STX18: variants seen among roughly 807,000 people sequenced by gnomAD.
STX18 encodes syntaxin-18.
Under a neutral mutation model 50.1 loss-of-function variants are expected in STX18, and 40 were observed. The ratio of observed to expected loss-of-function variants is 0.80; its 90% CI spans 0.62 to 1.04. The LOEUF is 1.04. Among genes scored for constraint, STX18 ranks in the 50% least tolerant of loss-of-function variants. STX18 has a pLI of 0.00. For missense variants in STX18, 410 were observed against 415.8 expected, an observed-to-expected ratio of 0.99 and a Z score of 0.12; for synonymous variants, 158 against 151.8, an observed-to-expected ratio of 1.04 and a Z score of -0.30.
intron 7 of STX18, among the ~76,000 whole-genome samples, chr4:4,431,323 G>A (rs912378191): frequency 3.9e-5 from 6 of 152,166 alleles, no homozygotes; most frequent in Non-Finnish European, 5.9e-5. Flanking sequence ...TTGGGGAAAC[G>A]ACTCATTTCC....
chr4:4,433,155 T>G (rs905887399), intron 7 of STX18, among the ~76,000 whole-genome samples: 3 of 152,228 alleles, frequency 2.0e-5, no homozygotes, highest in Admixed American at 1.3e-4. Context: ...AACTGTGTAA[T>G]AGTGATAATT....
Position 4,420,689 on chromosome 4 carries a change from C to T in STX18, c.912+175G>A, listed in dbSNP as rs1005208995. On this transcript the variant is annotated intron_variant, in intron 10 of 10. Coordinates refer to ENST00000306200, the MANE Select transcript of STX18 (RefSeq NM_016930.4). This position sits in a 1 kb window ranked among gnomAD's most constrained non-coding sequence, Gnocchi z 4.3. ...CCTCTCGAAAGCAGCTGGAGGTGGG[C>T]GACAGGTGGTGGGTCTCATGAACAC... 2.6e-5 allele frequency: 16 copies of T among 604,014 alleles called. No homozygotes were observed. Among genetic ancestry groups the T allele is most frequent in the Middle Eastern group, 4.1e-4 (1 of 2,448 alleles). 37.4% of individuals were successfully genotyped at this position (604,014 alleles called of 1,614,324 possible).
At chr4:4,436,605 T>C (rs1210584960) in intron 6 of STX18, among the ~76,000 whole-genome samples, 4 of 152,218 alleles carry the variant, frequency 2.6e-5, no homozygotes, top group Admixed American at 6.5e-5. Context: ...CTCTACAACA[T>C]GCTCATTTGT....
intron 1 of STX18, among the ~76,000 whole-genome samples, chr4:4,538,102 G>GAAAA (rs201329108): frequency 7.2e-6 from 1 of 138,306 alleles, no homozygotes; most frequent in African/African-American, 2.6e-5. Context: ...CCTTTTGAGT[G>GAAAA]AAAAAAAAAA....
chr4:4,476,712 C>T (rs1728191781), intron 1 of STX18, among the ~76,000 whole-genome samples: 1 of 152,012 alleles, frequency 6.6e-6, no homozygotes, highest in African/African-American at 2.4e-5. Context: ...ATATTTTATA[C>T]ACGGAACAAC....
chr4:4,490,081 G>A lies in STX18; in HGVS notation c.169-18375C>T, dbSNP rs552095918. Among the ~76,000 whole-genome samples the A allele has an allele frequency of 1.0e-3, 154 of 151,952 alleles. No individual in the cohort carries two copies. The Middle Eastern group carries it at 0.014, about 13-fold the overall frequency. On this transcript the variant is annotated intron_variant, in intron 1 of 10. Coordinates refer to ENST00000306200, the MANE Select transcript of STX18 (RefSeq NM_016930.4). The stretch of plus-strand genomic sequence containing the variant: ...TGAATTTCACTCAAAATCACATATC[G>A]AACTGTAATAAATTTACAATAAAAA...
At chr4:4,535,885 T>C (rs1376355701) in intron 1 of STX18, among the ~76,000 whole-genome samples, 1 of 152,170 alleles carries the variant, frequency 6.6e-6, no homozygotes, top group Non-Finnish European at 1.5e-5. Flanking sequence ...TACTCAACCC[T>C]TAGGTAAAAT....
chr4:4,422,062 A>G (rs1452991852), intron 9 of STX18, among the ~76,000 whole-genome samples: 2 of 152,074 alleles, frequency 1.3e-5, no homozygotes, highest in Non-Finnish European at 2.9e-5. Flanking sequence ...AACCTGACTG[A>G]CACATTGTAG....
chr4:4,532,434 G>A (rs746763962), intron 1 of STX18, among the ~76,000 whole-genome samples: 1 of 151,116 alleles, frequency 6.6e-6, no homozygotes, highest in Non-Finnish European at 1.5e-5. Context: ...CACCAAAAAT[G>A]CTAACTTTGA....
chr4:4,451,041 G>A (rs1726716740), intron 5 of STX18, among the ~76,000 whole-genome samples: 1 of 152,188 alleles, frequency 6.6e-6, no homozygotes, highest in Non-Finnish European at 1.5e-5. Flanking sequence ...AAAGTCCCCA[G>A]GGAAATTACA....
chr4:4,475,134 G>A (rs1183278085), intron 1 of STX18, among the ~76,000 whole-genome samples: 3 of 152,220 alleles, frequency 2.0e-5, no homozygotes, highest in Admixed American at 2.0e-4. Context: ...CCAGGAGCAA[G>A]CAAGCTCCAC....
chr4:4,472,424 T>C (rs568177431), intron 1 of STX18, among the ~76,000 whole-genome samples: 1 of 152,336 alleles, frequency 6.6e-6, no homozygotes, highest in Admixed American at 6.5e-5. Context: ...GGAGAATGAT[T>C]ACTAGCCAGT....
intron 1 of STX18, among the ~76,000 whole-genome samples, chr4:4,521,224 A>T (rs980212284): frequency 1.3e-5 from 2 of 152,154 alleles, no homozygotes; most frequent in African/African-American, 4.8e-5. Context: ...CCTCACTGAC[A>T]TTTCTTTGGC....
intron 1 of STX18, among the ~76,000 whole-genome samples, chr4:4,541,424 C>A (rs1731588139): frequency 6.6e-6 from 1 of 152,170 alleles, no homozygotes; most frequent in Non-Finnish European, 1.5e-5. Context: ...ATGGTGTGGT[C>A]AGTGCTGCAA....
At chr4:4,487,528 G>A (rs1160205527) in intron 1 of STX18, among the ~76,000 whole-genome samples, 2 of 152,152 alleles carry the variant, frequency 1.3e-5, no homozygotes, top group Non-Finnish European at 2.9e-5. Context: ...TCCATACTCT[G>A]GAATAGACTC....
chr4:4,528,579 C>T lies in STX18; in HGVS notation c.168+13218G>A, dbSNP rs187782026. ...TCATAAGCCAAAATTAACCTCTTTT[C>T]GTTATAAATTACCCAGCTCCAGGTA... On this transcript the variant is annotated intron_variant, in intron 1 of 10. Coordinates refer to ENST00000306200, the MANE Select transcript of STX18 (RefSeq NM_016930.4). Among the ~76,000 whole-genome samples, 16 of 152,326 alleles carry T rather than the reference C, an allele frequency of 1.1e-4. No individual in the cohort carries two copies. In the East Asian group the frequency reaches 1.7e-3, roughly 17 times the overall value.
chr4:4,537,400 G>A (rs893883598), intron 1 of STX18, among the ~76,000 whole-genome samples: 1 of 152,112 alleles, frequency 6.6e-6, no homozygotes, highest in Non-Finnish European at 1.5e-5. Context: ...TGATTCTGGT[G>A]GGGGCTACAT....
At chr4:4,537,554 G>C (rs1460109538) in intron 1 of STX18, among the ~76,000 whole-genome samples, 1 of 152,256 alleles carries the variant, frequency 6.6e-6, no homozygotes, top group East Asian at 1.9e-4. Context: ...TGGGCTTTAT[G>C]GATAAGAGCT....
intron 1 of STX18, among the ~76,000 whole-genome samples, chr4:4,515,648 C>G (rs1040138134): frequency 2.6e-5 from 4 of 152,088 alleles, no homozygotes; most frequent in Admixed American, 6.6e-5. Flanking sequence ...GAGAGACACA[C>G]GTGCTTTAGC....
Sources: allele counts gnomAD v4.1 joint callset (sites outside exome capture counted in the v4.1 genomes callset), GRCh38; gene constraint gnomAD v4.1.1; non-coding constraint Gnocchi (gnomAD v3.1); transcripts MANE v1.5; gene names NCBI Gene and HGNC (gene_info 2026-07-23, HGNC 2026-07-21).